OR7C1: variants seen among roughly 807,000 people sequenced by gnomAD.
OR7C1 encodes olfactory receptor 7C1.
For missense variants in OR7C1, 324 were observed against 383.3 expected, an observed-to-expected ratio of 0.85 and a Z score of 1.29; for synonymous variants, 152 against 160.7, an observed-to-expected ratio of 0.95 and a Z score of 0.41.
Position 14,827,574 on chromosome 19 carries a change from G to T in OR7C1, c.-623+7500C>A, listed in dbSNP as rs373678076. ...AGCTGATGAGATTGCATGTATGGAAGAAATTATCTTAGAGTAAGAGTAAAG... is the reference window on the plus strand; with the variant it reads ...AGCTGATGAGATTGCATGTATGGAATAAATTATCTTAGAGTAAGAGTAAAG... On this transcript the variant is annotated intron_variant, in intron 1 of 4. Coordinates refer to ENST00000641666, the Ensembl canonical transcript of OR7C1. 4.3e-6 allele frequency: 7 copies of T among 1,614,056 alleles called. No individual in the cohort carries two copies. Among genetic ancestry groups the T allele is most frequent in the African/African-American group, 4.0e-5 (3 of 74,908 alleles).
chr19:14,834,155 G>A (rs1046098507), intron 1 of OR7C1, among the ~76,000 whole-genome samples: 16 of 152,112 alleles, frequency 1.1e-4, no homozygotes, highest in African/African-American at 3.9e-4. Context: ...CCAGCTACTT[G>A]GGAGACTGAG....
At chr19:14,822,544 C>T (rs894518580) in intron 1 of OR7C1, among the ~76,000 whole-genome samples, 12 of 151,954 alleles carry the variant, frequency 7.9e-5, no homozygotes, top group East Asian at 3.9e-4. Context: ...GCCACTGCGC[C>T]GGCTAATTTT....
At chr19:14,801,256 A>ACAT (rs1442367125) in intron 2 of OR7C1, among the ~76,000 whole-genome samples, 1 of 152,202 alleles carries the variant, frequency 6.6e-6, no homozygotes, top group African/African-American at 2.4e-5. Context: ...TGCTATCTGC[A>ACAT]TGGAGTTGAT....
At chr19:14,819,123 C>A (rs932943611) in intron 1 of OR7C1, among the ~76,000 whole-genome samples, 2 of 147,724 alleles carry the variant, frequency 1.4e-5, no homozygotes, top group African/African-American at 5.0e-5. Flanking sequence ...TGCCACCTTT[C>A]TTTTTTCTTT....
In OR7C1 at chr19:14,806,734, G is replaced by A. The variant is rs551136459; in HGVS notation, c.-435+3072C>T. On this transcript the variant is annotated intron_variant, in intron 2 of 4. Coordinates refer to ENST00000641666, the Ensembl canonical transcript of OR7C1. ...TGGTCTTGTCCCTTTTTATGGCTGCGTAGTATTCTGTGGTGTATATGCACA... is the reference window on the plus strand; with the variant it reads ...TGGTCTTGTCCCTTTTTATGGCTGCATAGTATTCTGTGGTGTATATGCACA... Among the ~76,000 whole-genome samples the A allele has an allele frequency of 1.2e-3, 184 of 152,004 alleles. 4 individuals are homozygous for A. The highest frequency in any genetic ancestry group is 4.3e-3 in the African/African-American group (176 of 41,350).
chr19:14,807,836 C>T (rs1271411122), intron 2 of OR7C1, among the ~76,000 whole-genome samples: 2 of 151,210 alleles, frequency 1.3e-5, no homozygotes, highest in Non-Finnish European at 2.9e-5. Flanking sequence ...GCGGAGCTTG[C>T]AGTGAGCCGA....
At chr19:14,811,124 A>G (rs1380941742) in intron 1 of OR7C1, among the ~76,000 whole-genome samples, 27 of 151,946 alleles carry the variant, frequency 1.8e-4, no homozygotes, top group Admixed American at 1.8e-3. Context: ...TGTATGCAAT[A>G]CTGACACTAA....
intron 1 of OR7C1, among the ~76,000 whole-genome samples, chr19:14,818,602 C>T (rs988073752): frequency 1.3e-5 from 2 of 152,042 alleles, no homozygotes; most frequent in African/African-American, 4.8e-5. Flanking sequence ...TTTTGTATAG[C>T]GAGTTTGCAG....
At chr19:14,834,779 T>A (rs2145090145) in intron 1 of OR7C1, among the ~76,000 whole-genome samples, 1 of 152,344 alleles carries the variant, frequency 6.6e-6, no homozygotes, top group Non-Finnish European at 1.5e-5. Context: ...AGATGTATGT[T>A]GTACTTTTAC....
intron 1 of OR7C1, chr19:14,827,150 C>T: frequency 1.1e-6 from 1 of 916,288 alleles, no homozygotes; most frequent in Admixed American, 2.9e-5. Context: ...TTAAATTCTA[C>T]AAGACCAGTT....
At chr19:14,810,934 T>C (rs1486240760) in intron 1 of OR7C1, among the ~76,000 whole-genome samples, 1 of 151,658 alleles carries the variant, frequency 6.6e-6, no homozygotes, top group Admixed American at 6.6e-5. Flanking sequence ...ATGTATGTTA[T>C]TTGGAGCATT....
rs142267771 is a variant in OR7C1, at chr19:14,820,444, T to G, written c.-622-10451A>C. 4.6e-5 allele frequency among the ~76,000 whole-genome samples: 7 copies of G among 152,086 alleles called. No homozygotes were observed. The East Asian group carries it at 1.4e-3, about 29-fold the overall frequency. On this transcript the variant is annotated intron_variant, in intron 1 of 4. Transcript: ENST00000641666. ...GGAGATCATTAGGACAAATACCTAATGCATGAGGGGCTTAAAACCTAGATG... is the reference window on the plus strand; with the variant it reads ...GGAGATCATTAGGACAAATACCTAAGGCATGAGGGGCTTAAAACCTAGATG...
chr19:14,820,965 ATG>A (rs2044738312), intron 1 of OR7C1, among the ~76,000 whole-genome samples: 1 of 152,174 alleles, frequency 6.6e-6, no homozygotes, highest in African/African-American at 2.4e-5. Context: ...ATATAAAAAC[ATG>A]TGTGGGCCGG....
chr19:14,799,358 A>G (rs749401408), exon 5 of OR7C1: 4 of 1,614,198 alleles, frequency 2.5e-6, no homozygotes, highest in Non-Finnish European at 3.4e-6. Flanking sequence ...TGCAGAACTG[A>G]GATAGACCCC....
At chr19:14,822,083 G>T (rs539204621) in intron 1 of OR7C1, among the ~76,000 whole-genome samples, 1 of 152,176 alleles carries the variant, frequency 6.6e-6, no homozygotes. Context: ...TATGCACCAC[G>T]TATTCTTGAT....
intron 1 of OR7C1, among the ~76,000 whole-genome samples, chr19:14,812,724 T>C (rs983641734): frequency 6.6e-6 from 1 of 151,730 alleles, no homozygotes; most frequent in East Asian, 1.9e-4. Context: ...CACCATAATA[T>C]AGAATTAGAG....
At chr19:14,818,369 C>T in intron 1 of OR7C1, among the ~76,000 whole-genome samples, 1 of 152,130 alleles carries the variant, frequency 6.6e-6, no homozygotes, top group Non-Finnish European at 1.5e-5. Flanking sequence ...GCTGGGATTA[C>T]AGGCGTGAGC....
intron 1 of OR7C1, chr19:14,827,195 A>G (rs1325859547): frequency 7.8e-7 from 1 of 1,287,382 alleles, no homozygotes; most frequent in Non-Finnish European, 1.0e-6. Context: ...CAGAAATATA[A>G]TAAGTATTAA....
At chr19:14,811,670 G>A (rs2044691578) in intron 1 of OR7C1, among the ~76,000 whole-genome samples, 1 of 151,704 alleles carries the variant, frequency 6.6e-6, no homozygotes, top group Non-Finnish European at 1.5e-5. Context: ...TGGCCTGTGG[G>A]CAGTAGTTTG....
Sources: allele counts gnomAD v4.1 joint callset (sites outside exome capture counted in the v4.1 genomes callset), GRCh38; gene constraint gnomAD v4.1.1; transcripts MANE v1.5; gene names NCBI Gene and HGNC (gene_info 2026-07-23, HGNC 2026-07-21).